The following COL5A1 variants were observed in gnomAD, a reference collection of about 807,000 sequenced individuals.
The protein encoded by COL5A1 is collagen type V alpha 1 chain.
Under a neutral mutation model 263.7 loss-of-function variants are expected in COL5A1, and 16 were observed. The observed-to-expected ratio is 0.06, with a 90% CI of 0.04 to 0.09. The LOEUF is 0.09. Among genes scored for constraint, COL5A1 ranks in the 10% least tolerant of loss-of-function variants. The pLI, the probability that COL5A1 is intolerant of heterozygous loss-of-function variation, is 1.00. For missense variants in COL5A1, 2,036 were observed against 2,540.5 expected, an observed-to-expected ratio of 0.80 and a Z score of 4.27; for synonymous variants, 1,012 against 1,004.5, an observed-to-expected ratio of 1.01 and a Z score of -0.14.
At chr9:134,781,948 C>T (rs1209291589) in intron 28 of COL5A1, among the ~76,000 whole-genome samples, 1 of 152,208 alleles carries the variant, frequency 6.6e-6, no homozygotes, top group Non-Finnish European at 1.5e-5. Context: ...CAAGATGTAG[C>T]CCCTGAATAA....
At chr9:134,664,195 A>G (rs1270376517) in intron 1 of COL5A1, among the ~76,000 whole-genome samples, 1 of 152,142 alleles carries the variant, frequency 6.6e-6, no homozygotes, top group Non-Finnish European at 1.5e-5. Context: ...ATCCTGCCCT[A>G]CTCTTCTACC....
At chr9:134,800,350 C>G (rs1838063634) in intron 37 of COL5A1, among the ~76,000 whole-genome samples, 1 of 149,940 alleles carries the variant, frequency 6.7e-6, no homozygotes, top group Non-Finnish European at 1.5e-5. Flanking sequence ...TCCACCGTTC[C>G]TTACTTCTGA....
chr9:134,727,218 G>T, intron 4 of COL5A1, 48 bp from the exon 5 acceptor site: 1 of 1,608,418 alleles, frequency 6.2e-7, no homozygotes, highest in East Asian at 2.2e-5. Flanking sequence ...AGGTCCCCAT[G>T]CGAGTGCTCT....
Position 134,758,344 on chromosome 9 carries a change from G to T in COL5A1, c.1935+48G>T. ...ACAGGCATGACGATGGGCAGCAGAGGTGTCTCTCGGGAGGCCCTTCTCCTT... is the reference window on the plus strand; with the variant it reads ...ACAGGCATGACGATGGGCAGCAGAGTTGTCTCTCGGGAGGCCCTTCTCCTT... On this transcript the variant is annotated intron_variant, in intron 18 of 65. Transcript: ENST00000371817. The surrounding 1 kb of genome is among the most constrained non-coding windows in gnomAD (Gnocchi z 4.1). 1 of 1,590,668 alleles carries T rather than the reference G, an allele frequency of 6.3e-7. No homozygotes were observed. The highest frequency in any genetic ancestry group is 8.6e-7 in the Non-Finnish European group (1 of 1,158,934).
Position 134,782,371 on chromosome 9 carries a change from CAG to C in COL5A1, c.2431-295_2431-294del, listed in dbSNP as rs552255261. ...GCACTGAGAAATGATACCGGGAGCT[CAG>C]GGGCCTGGGCTTGCTGAGGCCTCGC... On this transcript the variant is annotated intron_variant, in intron 28 of 65. Coordinates refer to ENST00000371817, the MANE Select transcript of COL5A1 (RefSeq NM_000093.5). Among the ~76,000 whole-genome samples, 1,106 of 152,342 alleles carry C rather than the reference CAG, an allele frequency of 7.3e-3. 8 individuals carry two copies. Among genetic ancestry groups the C allele is most frequent in the Middle Eastern group, 0.014 (4 of 294 alleles).
intron 4 of COL5A1, among the ~76,000 whole-genome samples, chr9:134,714,982 G>T (rs1008271113): frequency 7.9e-5 from 12 of 152,008 alleles, no homozygotes; most frequent in Non-Finnish European, 2.9e-5. Flanking sequence ...CGTTGGGTGG[G>T]ACGAGAGACT....
In COL5A1 at chr9:134,815,771, G is replaced by C. The variant is rs982089394; in HGVS notation, c.4068+142G>C. ...ATGTCCCAAAAGGCACTCGTGTTCC[G>C]GTGATCAGAGCAAGAAAACGCCTTT... On this transcript the variant is annotated intron_variant, in intron 51 of 65. Transcript: ENST00000371817. 3.7e-5 allele frequency: 45 copies of C among 1,229,462 alleles called. 1 individual carries two copies. In the South Asian group the frequency reaches 5.7e-4, roughly 16 times the overall value. The allele number at this position is 1,229,462 out of a possible 1,614,324, so 76.2% of individuals were successfully genotyped here.
At position 134,836,102 on chromosome 9, in the gene COL5A1, C is replaced by T. The variant is rs557228386; in HGVS notation, c.5370+898C>T. On this transcript the variant is annotated intron_variant, in intron 65 of 65. Coordinates refer to ENST00000371817, the MANE Select transcript of COL5A1 (RefSeq NM_000093.5). ...GAGACCTGCGGAAAGCAGCCCTTAGCGCCTCGCTCCTTTAGTGTTTGTAGA... is the reference window on the plus strand; with the variant it reads ...GAGACCTGCGGAAAGCAGCCCTTAGTGCCTCGCTCCTTTAGTGTTTGTAGA... Among the ~76,000 whole-genome samples the T allele has an allele frequency of 7.2e-5, 11 of 152,334 alleles. No individual in the cohort carries two copies. The East Asian group carries it at 1.2e-3, about 16-fold the overall frequency.
chr9:134,760,662 C>T (rs1292174189), intron 18 of COL5A1, among the ~76,000 whole-genome samples: 3 of 134,998 alleles, frequency 2.2e-5, no homozygotes, highest in Non-Finnish European at 4.7e-5. Context: ...CACACACACA[C>T]ACCACACATG....
chr9:134,693,267 G>A (rs1833346052), intron 2 of COL5A1, among the ~76,000 whole-genome samples: 1 of 152,090 alleles, frequency 6.6e-6, no homozygotes, highest in African/African-American at 2.4e-5. Flanking sequence ...GTGAAGCAGT[G>A]AGCCGAGATC....
chr9:134,780,311 C>T (rs538885540), intron 28 of COL5A1, among the ~76,000 whole-genome samples, 165 bp downstream of exon 28: 1 of 152,308 alleles, frequency 6.6e-6, no homozygotes, highest in African/African-American at 2.4e-5. Context: ...TCTCTGTTTG[C>T]AGACGGAAGA....
At position 134,647,378 on chromosome 9, in the gene COL5A1, CGTGT is replaced by C. The variant is rs141774800; in HGVS notation, c.109+5097_109+5100del. Among the ~76,000 whole-genome samples the C allele has an allele frequency of 0.019, 2,818 of 150,516 alleles. 105 individuals carry two copies. Among genetic ancestry groups the C allele is most frequent in the African/African-American group, 0.065 (2,688 of 41,162 alleles). ...TTTGTGTGTATGTGTGTCATGTGTG[CGTGT>C]GTGTGTGTGTGTGTCAGGCCGTGTG... On this transcript the variant is annotated intron_variant, in intron 1 of 65. Transcript: ENST00000371817. This position sits in a 1 kb window ranked among gnomAD's most constrained non-coding sequence, Gnocchi z 5.0.
intron 1 of COL5A1, among the ~76,000 whole-genome samples, chr9:134,666,593 G>T (rs1429661850): frequency 6.6e-6 from 1 of 152,196 alleles, no homozygotes; most frequent in Non-Finnish European, 1.5e-5. Flanking sequence ...ATGACTGAGA[G>T]CTCGTGAAGG....
In COL5A1 at chr9:134,833,681, G is replaced by A. The variant is rs7027531; in HGVS notation, c.5137-1290G>A. On this transcript the variant is annotated intron_variant, in intron 64 of 65. Coordinates refer to ENST00000371817, the MANE Select transcript of COL5A1 (RefSeq NM_000093.5). ...ACAGCCCTGACCCTCCCTCAGGCTC[G>A]CCTCCCCTGAGCACCTCACTACAGC... Among the ~76,000 whole-genome samples, 742 of 152,278 alleles carry A rather than the reference G, an allele frequency of 4.9e-3. 9 individuals are homozygous for A. Among genetic ancestry groups the A allele is most frequent in the African/African-American group, 0.017 (716 of 41,556 alleles).
rs538029707 is a variant in COL5A1, at chr9:134,760,609, GCACA to G, written c.1936-1306_1936-1303del. Among the ~76,000 whole-genome samples, 14 of 43,494 alleles carry G rather than the reference GCACA, an allele frequency of 3.2e-4. No homozygotes were observed. In the South Asian group the frequency reaches 3.5e-3, roughly 11 times the overall value. 28.5% of individuals were successfully genotyped at this position (43,494 alleles called of 152,430 possible). On this transcript the variant is annotated intron_variant, in intron 18 of 65. Coordinates refer to ENST00000371817, the MANE Select transcript of COL5A1 (RefSeq NM_000093.5). The stretch of plus-strand genomic sequence containing the variant: ...AGACACATGCACACACACCACACAT[GCACA>G]CACACACACCCACACACCCCCACAC...
At position 134,729,539 on chromosome 9, in the gene COL5A1, C is replaced by T. The variant is rs575431362; in HGVS notation, c.925-697C>T. ...GAGTGTGTGTGAGCGTGTGTGCATG[C>T]GGGCACGGGTGTGCATGAGCCTGTG... is the stretch of plus-strand genomic sequence containing the variant. On this transcript the variant is annotated intron_variant, in intron 6 of 65. Transcript: ENST00000371817. Among the ~76,000 whole-genome samples, 13 of 146,406 alleles carry T rather than the reference C, an allele frequency of 8.9e-5. No individual in the cohort carries two copies. The East Asian group carries it at 2.5e-3, about 28-fold the overall frequency.
At chr9:134,795,032 C>T (rs774522542) in intron 32 of COL5A1, 50 bp from the exon 33 acceptor site, 21 of 1,593,942 alleles carry the variant, frequency 1.3e-5, no homozygotes, top group Admixed American at 5.0e-5. Flanking sequence ...GCCACCTGAG[C>T]AGGGCCGGGC....
chr9:134,670,105 GCT>G (rs1474240802), intron 1 of COL5A1, among the ~76,000 whole-genome samples: 3 of 152,198 alleles, frequency 2.0e-5, no homozygotes, highest in Non-Finnish European at 2.9e-5. Context: ...GTCATTATCA[GCT>G]CTTTGTAAAT....
chr9:134,681,059 C>G lies in COL5A1; in HGVS notation c.110-9853C>G, dbSNP rs1430170290. 1.3e-5 allele frequency among the ~76,000 whole-genome samples: 2 copies of G among 152,166 alleles called. No homozygotes were observed. Among genetic ancestry groups the G allele is most frequent in the Admixed American group, 6.5e-5 (1 of 15,282 alleles). ...ACCCCCTGCCCCTTTGCTTTGCTCC[C>G]TGGTTTAGTCATTGAGGAAGAATTT... is the stretch of plus-strand genomic sequence containing the variant. On this transcript the variant is annotated intron_variant, in intron 1 of 65. Transcript: ENST00000371817. This position sits in a 1 kb window ranked among gnomAD's most constrained non-coding sequence, Gnocchi z 4.3.
Sources: allele counts gnomAD v4.1 joint callset (sites outside exome capture counted in the v4.1 genomes callset), GRCh38; gene constraint gnomAD v4.1.1; non-coding constraint Gnocchi (gnomAD v3.1); transcripts MANE v1.5; gene names NCBI Gene and HGNC (gene_info 2026-07-23, HGNC 2026-07-21).